The following SDK1 variants were observed in gnomAD, a reference collection of about 807,000 sequenced individuals.
SDK1 encodes sidekick cell adhesion molecule 1.
SDK1 carries 157 observed loss-of-function variants against 245.5 expected under a neutral mutation model. That is an observed-to-expected ratio of 0.64 (90% confidence interval 0.56 to 0.73). The LOEUF (loss-of-function observed/expected upper bound fraction) is 0.73, where lower values mean the gene tolerates loss of function less well. Ranked by LOEUF, SDK1 falls within the 30% of genes least tolerant of loss-of-function variation. The pLI is 0.00. For missense variants in SDK1, 3,583 were observed against 3,002.3 expected, an observed-to-expected ratio of 1.19 and a Z score of -4.52; for synonymous variants, 1,647 against 1,278.5, an observed-to-expected ratio of 1.29 and a Z score of -6.15.
chr7:3,554,321 A>G (rs771962161), intron 1 of SDK1, among the ~76,000 whole-genome samples: 4 of 152,222 alleles, frequency 2.6e-5, no homozygotes, highest in Non-Finnish European at 5.9e-5. Flanking sequence ...AACAGGTAAA[A>G]ATGAAACAAC....
At chr7:3,701,174 C>G (rs769074330) in intron 4 of SDK1, among the ~76,000 whole-genome samples, 1 of 152,136 alleles carries the variant, frequency 6.6e-6, no homozygotes, top group Non-Finnish European at 1.5e-5. Context: ...TGGAAATTGA[C>G]AGAGAATACA....
intron 1 of SDK1, among the ~76,000 whole-genome samples, chr7:3,357,565 C>T (rs1225407732): frequency 6.6e-6 from 1 of 151,532 alleles, no homozygotes; most frequent in Non-Finnish European, 1.5e-5. Context: ...CCAGGCTAGC[C>T]TTGAACACCT....
chr7:3,841,877 A>G (rs931874114), intron 5 of SDK1, among the ~76,000 whole-genome samples: 1 of 152,134 alleles, frequency 6.6e-6, no homozygotes, highest in Non-Finnish European at 1.5e-5. Context: ...CAGATTCTCC[A>G]AGTCATAAGG....
chr7:3,790,178 C>T (rs1033489047), intron 4 of SDK1, among the ~76,000 whole-genome samples: 1 of 152,142 alleles, frequency 6.6e-6, no homozygotes, highest in African/African-American at 2.4e-5. Context: ...CCTCAGACAC[C>T]AGCAACTGAT....
intron 1 of SDK1, among the ~76,000 whole-genome samples, chr7:3,389,597 C>T (rs1259774632): frequency 6.6e-6 from 1 of 152,076 alleles, no homozygotes. Context: ...TTTGTTACAG[C>T]AGCAACAGAA....
At chr7:3,589,879 T>A (rs760387828) in intron 1 of SDK1, among the ~76,000 whole-genome samples, 2 of 152,148 alleles carry the variant, frequency 1.3e-5, no homozygotes, top group Non-Finnish European at 2.9e-5. Flanking sequence ...ATACCCAGAC[T>A]GTGAGGAATA....
chr7:4,191,715 G>C (rs968036422), intron 35 of SDK1, among the ~76,000 whole-genome samples: 2 of 152,266 alleles, frequency 1.3e-5, no homozygotes, highest in African/African-American at 4.8e-5. Context: ...GAGTCTGCAA[G>C]GGTTAGGGTC....
intron 14 of SDK1, among the ~76,000 whole-genome samples, chr7:4,006,197 C>T (rs1326418530): frequency 6.6e-6 from 1 of 152,180 alleles, no homozygotes; most frequent in East Asian, 1.9e-4. Context: ...TTGGAAACCA[C>T]CAGCTTTTTC....
rs757136358 is a variant in SDK1, at chr7:4,250,429, C to T, written c.6381+4624C>T. Among the ~76,000 whole-genome samples, 23 of 152,168 alleles carry T rather than the reference C, an allele frequency of 1.5e-4. No individual in the cohort carries two copies. In the Middle Eastern group the frequency reaches 0.01, roughly 68 times the overall value. On this transcript the variant is annotated intron_variant, in intron 44 of 44. Transcript: ENST00000404826. Reference sequence around the variant, plus strand: ...CATGATCTCAGCTCCCTCTAACCTCCGCCTCCTGGGTTCAAGCAATTCTCA... The same window carrying T: ...CATGATCTCAGCTCCCTCTAACCTCTGCCTCCTGGGTTCAAGCAATTCTCA...
At chr7:3,859,253 C>T (rs1468952810) in intron 5 of SDK1, among the ~76,000 whole-genome samples, 2 of 152,148 alleles carry the variant, frequency 1.3e-5, no homozygotes, top group Non-Finnish European at 2.9e-5. Flanking sequence ...ATCCACCTGC[C>T]TAGCTGGGAG....
intron 1 of SDK1, among the ~76,000 whole-genome samples, chr7:3,472,334 T>C (rs1432545110): frequency 6.6e-6 from 1 of 152,208 alleles, no homozygotes; most frequent in Non-Finnish European, 1.5e-5. Context: ...TGCAATTTTA[T>C]TGTGCTTCTG....
intron 1 of SDK1, among the ~76,000 whole-genome samples, chr7:3,460,327 A>C (rs1406090795): frequency 6.6e-6 from 1 of 152,204 alleles, no homozygotes; most frequent in Non-Finnish European, 1.5e-5. Context: ...GAGAAGATTT[A>C]ATTACTGAAT....
intron 25 of SDK1, among the ~76,000 whole-genome samples, chr7:4,117,661 C>T (rs1477130910): frequency 6.6e-6 from 1 of 152,122 alleles, no homozygotes; most frequent in African/African-American, 2.4e-5. Flanking sequence ...GGTAAGGAGT[C>T]TGCACCCTGG....
chr7:3,981,242 A>G (rs375014518), intron 13 of SDK1, among the ~76,000 whole-genome samples: 2 of 152,190 alleles, frequency 1.3e-5, no homozygotes, highest in East Asian at 1.9e-4. Context: ...GTTTTGGGAC[A>G]CCATGAGCCA....
chr7:3,410,148 T>C (rs943506226), intron 1 of SDK1, among the ~76,000 whole-genome samples: 1 of 152,184 alleles, frequency 6.6e-6, no homozygotes, highest in Non-Finnish European at 1.5e-5. Flanking sequence ...TCAGTATCCC[T>C]TTGGAAAGAG....
Position 4,130,039 on chromosome 7 carries a change from C to T in SDK1, c.4071C>T (p.Thr1357=). Residue 1357 remains threonine (T), a synonymous_variant, in exon 27 of 45, where the codon ACC becomes ACT. Transcript: ENST00000404826. The part of the protein sequence containing the change: ...VLYELQVLAF[T]RIGNGVPSTP... Reference sequence around the variant, plus strand: ...ACGAGCTCCAGGTGCTGGCGTTCACCCGCATCGGGAACGGGGTCCCCAGCA... The same window carrying T: ...ACGAGCTCCAGGTGCTGGCGTTCACTCGCATCGGGAACGGGGTCCCCAGCA... 6.2e-7 allele frequency: 1 copy of T among 1,613,192 alleles called. No homozygotes were observed.
At chr7:4,175,693 C>T (rs905908903) in intron 33 of SDK1, 82 bp from the exon 34 acceptor site, 4 of 1,164,406 alleles carry the variant, frequency 3.4e-6, no homozygotes, top group South Asian at 1.2e-5. Context: ...AGGCACCTGT[C>T]TCCCTTGTTC....
chr7:3,880,131 T>G (rs918786431), intron 5 of SDK1, among the ~76,000 whole-genome samples: 2 of 152,140 alleles, frequency 1.3e-5, no homozygotes, highest in Non-Finnish European at 2.9e-5. Context: ...ATGAAAGGGT[T>G]TTTAATGAAC....
At chr7:4,073,798 A>C (rs1780427413) in intron 20 of SDK1, among the ~76,000 whole-genome samples, 1 of 152,118 alleles carries the variant, frequency 6.6e-6, no homozygotes, top group Admixed American at 6.5e-5. Flanking sequence ...TCCAAACCCA[A>C]AGAATGGACT....
Sources: allele counts gnomAD v4.1 joint callset (sites outside exome capture counted in the v4.1 genomes callset), GRCh38; gene constraint gnomAD v4.1.1; transcripts MANE v1.5; gene names NCBI Gene and HGNC (gene_info 2026-07-23, HGNC 2026-07-21).